Variants in SLCO3A1 observed in about 807,000 individuals in gnomAD.
The protein encoded by SLCO3A1 is PGE1 transporter.
SLCO3A1 carries 27 observed loss-of-function variants against 63.1 expected under a neutral mutation model. The ratio of observed to expected loss-of-function variants is 0.43; its 90% confidence interval spans 0.32 to 0.59. The LOEUF (loss-of-function observed/expected upper bound fraction) is 0.59, where lower values mean the gene tolerates loss of function less well. Ranked by LOEUF, SLCO3A1 falls within the 20% of genes least tolerant of loss-of-function variation. SLCO3A1 has a pLI of 0.09. For missense variants in SLCO3A1, 773 were observed against 945.8 expected (o/e 0.82, Z 2.40); for synonymous variants, 473 against 409.9 (o/e 1.15, Z -1.86).
chr15:92,123,735 C>T (rs1468714808), intron 5 of SLCO3A1, among the ~76,000 whole-genome samples: 1 of 152,222 alleles, frequency 6.6e-6, no homozygotes, highest in South Asian at 2.1e-4. Context: ...CCTGCTGACT[C>T]CTCTGCTGCT....
At chr15:92,149,610 A>G (rs1223834831) in intron 8 of SLCO3A1, 1 of 152,228 alleles carries the variant, frequency 6.6e-6, no homozygotes, top group Non-Finnish European at 1.5e-5. Flanking sequence ...TTTAGAACTA[A>G]GACTCCCTCC....
intron 2 of SLCO3A1, among the ~76,000 whole-genome samples, chr15:91,947,267 G>A (rs1339946915): frequency 6.6e-6 from 1 of 152,174 alleles, no homozygotes; most frequent in Non-Finnish European, 1.5e-5. Context: ...AGGCTCTGTG[G>A]CATATGGTGA....
intron 9 of SLCO3A1, among the ~76,000 whole-genome samples, chr15:92,151,465 A>T (rs2048304657): frequency 6.6e-6 from 1 of 152,146 alleles, no homozygotes; most frequent in Admixed American, 6.5e-5. Context: ...TTTACCTTGA[A>T]TTTCTGGGAT....
intron 2 of SLCO3A1, among the ~76,000 whole-genome samples, chr15:91,984,846 A>G (rs1455725334): frequency 6.6e-6 from 1 of 152,170 alleles, no homozygotes; most frequent in East Asian, 1.9e-4. Context: ...AGGGCTGACA[A>G]AAGCTTTTAC....
chr15:91,926,782 G>A (rs763488057), intron 2 of SLCO3A1, among the ~76,000 whole-genome samples: 1 of 152,124 alleles, frequency 6.6e-6, no homozygotes, highest in African/African-American at 2.4e-5. Flanking sequence ...GTTCTTGGAT[G>A]TGCCTTGCGG....
chr15:91,856,984 A>G lies in SLCO3A1; in HGVS notation c.180+2896A>G, dbSNP rs916452569. Among the ~76,000 whole-genome samples, 15 of 151,900 alleles carry G rather than the reference A, an allele frequency of 9.9e-5. No homozygotes were observed. Among genetic ancestry groups the G allele is most frequent in the Non-Finnish European group, 1.6e-4 (11 of 67,986 alleles). On this transcript the variant is annotated intron_variant, in intron 1 of 9. Transcript: ENST00000318445. The surrounding 1 kb of genome is among the most constrained non-coding windows in gnomAD (Gnocchi z 4.9). ...GGCTTCCCAACTGCAGAACTGAAGC[A>G]GAAGGTTGCCTGTGATTTAAGAAGC...
chr15:91,977,249 C>T (rs913424997), intron 2 of SLCO3A1, among the ~76,000 whole-genome samples: 1 of 152,170 alleles, frequency 6.6e-6, no homozygotes, highest in African/African-American at 2.4e-5. Context: ...GGGTGACATG[C>T]ACTGGTCTTC....
At chr15:91,973,761 C>T (rs1412241702) in intron 2 of SLCO3A1, among the ~76,000 whole-genome samples, 1 of 152,044 alleles carries the variant, frequency 6.6e-6, no homozygotes, top group Admixed American at 6.6e-5. Flanking sequence ...GACCGGCATC[C>T]ACAACAAAGA....
At chr15:92,133,205 C>G (rs4777704) in intron 7 of SLCO3A1, among the ~76,000 whole-genome samples, 1 of 145,466 alleles carries the variant, frequency 6.9e-6, no homozygotes, top group Non-Finnish European at 1.5e-5. Context: ...ACATGTCCCT[C>G]GGGGGATATC....
intron 2 of SLCO3A1, among the ~76,000 whole-genome samples, chr15:92,061,679 G>T (rs1449741129): frequency 3.3e-5 from 5 of 152,222 alleles, no homozygotes; most frequent in Non-Finnish European, 7.3e-5. Context: ...GTGGAGATGG[G>T]GAGCTACAGG....
chr15:92,092,999 G>C (rs1379575454), intron 2 of SLCO3A1, among the ~76,000 whole-genome samples: 1 of 152,140 alleles, frequency 6.6e-6, no homozygotes, highest in African/African-American at 2.4e-5. Context: ...TTTGCTGAGG[G>C]TGGACTCAGC....
At chr15:92,018,383 G>A (rs1368911781) in intron 2 of SLCO3A1, among the ~76,000 whole-genome samples, 1 of 152,166 alleles carries the variant, frequency 6.6e-6, no homozygotes, top group Non-Finnish European at 1.5e-5. Context: ...GGGTGCTTCA[G>A]CCTCACGTGG....
chr15:91,944,290 C>T (rs1301622297), intron 2 of SLCO3A1, among the ~76,000 whole-genome samples: 3 of 152,098 alleles, frequency 2.0e-5, no homozygotes, highest in African/African-American at 7.2e-5. Context: ...TCCAGGGCTC[C>T]CCCTTTGGAA....
chr15:92,029,983 C>A (rs570943875), intron 2 of SLCO3A1, among the ~76,000 whole-genome samples: 59 of 152,242 alleles, frequency 3.9e-4, no homozygotes, highest in African/African-American at 1.3e-3. Context: ...CTGGCTTCAA[C>A]CGTTGCATTA....
At chr15:91,951,845 G>A (rs1157283615) in intron 2 of SLCO3A1, among the ~76,000 whole-genome samples, 4 of 152,062 alleles carry the variant, frequency 2.6e-5, no homozygotes, top group African/African-American at 7.2e-5. Flanking sequence ...GTGAGCCACC[G>A]CACCCGGCCT....
At chr15:92,055,484 CT>C (rs1262178143) in intron 2 of SLCO3A1, among the ~76,000 whole-genome samples, 1 of 152,088 alleles carries the variant, frequency 6.6e-6, no homozygotes, top group Non-Finnish European at 1.5e-5. Flanking sequence ...GCAAAGCCCC[CT>C]AGTCTCTACT....
intron 2 of SLCO3A1, among the ~76,000 whole-genome samples, chr15:92,077,725 C>G (rs1339530454): frequency 3.3e-5 from 5 of 152,194 alleles, no homozygotes; most frequent in Non-Finnish European, 1.5e-5. Context: ...CCTGGGCTTC[C>G]CAGAGCCAGC....
intron 2 of SLCO3A1, among the ~76,000 whole-genome samples, chr15:91,979,496 C>T (rs567398166): frequency 3.9e-5 from 6 of 152,114 alleles, no homozygotes; most frequent in African/African-American, 4.8e-5. Flanking sequence ...ATAACCTTAG[C>T]GTGTTGTCTG....
intron 2 of SLCO3A1, among the ~76,000 whole-genome samples, chr15:91,996,403 C>T (rs1567057930): frequency 6.6e-6 from 1 of 151,910 alleles, no homozygotes; most frequent in Admixed American, 6.6e-5. Flanking sequence ...GTATCATAAA[C>T]ATTTTTTTTT....
Sources: gnomAD v4.1 joint callset for allele counts (sites outside exome capture counted in the v4.1 genomes callset) on GRCh38, gnomAD v4.1.1 for gene constraint, Gnocchi (gnomAD v3.1) non-coding constraint, MANE v1.5 for transcripts, NCBI Gene and HGNC (gene_info 2026-07-23, HGNC 2026-07-21) for gene names.